The following DLG2 variants were observed in gnomAD, a reference collection of about 807,000 sequenced individuals.
DLG2 encodes the protein disks large homolog 2.
Under a neutral mutation model 132.5 loss-of-function variants are expected in DLG2, and 45 were observed. The ratio of observed to expected loss-of-function variants is 0.34; its 90% CI spans 0.27 to 0.44. The LOEUF (loss-of-function observed/expected upper bound fraction) is 0.44, where lower values mean the gene tolerates loss of function less well. Among genes scored for constraint, DLG2 ranks in the 20% least tolerant of loss-of-function variants. The pLI, the probability that DLG2 is intolerant of heterozygous loss-of-function variation, is 1.00. For synonymous variants in DLG2, 424 were observed against 419.6 expected (o/e 1.01, Z -0.13); for missense variants, 1,045 against 1,196.9 (o/e 0.87, Z 1.87).
intron 6 of DLG2, among the ~76,000 whole-genome samples, chr11:84,755,240 G>A (rs1436912508): frequency 1.3e-5 from 2 of 152,146 alleles, no homozygotes; most frequent in South Asian, 2.1e-4. Flanking sequence ...ACCCAAGTAC[G>A]TTCTGCACAG....
intron 6 of DLG2, among the ~76,000 whole-genome samples, chr11:84,608,792 A>C (rs2099590227): frequency 6.6e-6 from 1 of 152,182 alleles, no homozygotes; most frequent in Non-Finnish European, 1.5e-5. Context: ...AACTACAAAC[A>C]ATTAAACAAA....
chr11:84,736,130 T>G (rs1164981637), intron 6 of DLG2, among the ~76,000 whole-genome samples: 1 of 151,960 alleles, frequency 6.6e-6, no homozygotes, highest in Non-Finnish European at 1.5e-5. Context: ...TTTAATTGTT[T>G]CTGTATTATT....
chr11:85,106,453 AC>A (rs1183660467), intron 6 of DLG2, among the ~76,000 whole-genome samples: 2 of 151,888 alleles, frequency 1.3e-5, no homozygotes, highest in South Asian at 2.1e-4. Flanking sequence ...AACTCCTAGA[AC>A]CTTTTTCCAG....
rs2093143740 is a variant in DLG2, at chr11:83,749,251, G to C, written c.1825+37439C>G. Among the ~76,000 whole-genome samples the C allele has an allele frequency of 1.3e-5, 2 of 152,170 alleles. 1 individual carries two copies. The highest frequency in any genetic ancestry group is 4.1e-4 in the South Asian group (2 of 4,834). ...AGGCAACCTTTTTGCCTTTCTTTTT[G>C]AAGATGTTCATCCTGATAGCGTCTC... On this transcript the variant is annotated intron_variant, in intron 18 of 27. Coordinates refer to ENST00000376104, the MANE Select transcript of DLG2 (RefSeq NM_001142699.3).
At chr11:85,021,330 A>G (rs2060046917) in intron 6 of DLG2, 1 of 1,275,346 alleles carries the variant, frequency 7.8e-7, no homozygotes. Context: ...CTAAGTCGAA[A>G]GAAGAGCCAT....
intron 6 of DLG2, among the ~76,000 whole-genome samples, chr11:85,043,431 A>G (rs986892203): frequency 6.6e-6 from 1 of 151,860 alleles, no homozygotes; most frequent in African/African-American, 2.4e-5. Flanking sequence ...GCTTCACCAA[A>G]CCATTATTAT....
At chr11:83,888,546 A>G (rs1451239994) in intron 15 of DLG2, among the ~76,000 whole-genome samples, 2 of 152,224 alleles carry the variant, frequency 1.3e-5, no homozygotes, top group Non-Finnish European at 2.9e-5. Flanking sequence ...TATAGATTCA[A>G]TGCCATCCCC....
At chr11:84,262,053 C>T (rs1567106187) in intron 7 of DLG2, among the ~76,000 whole-genome samples, 1 of 152,144 alleles carries the variant, frequency 6.6e-6, no homozygotes, top group Non-Finnish European at 1.5e-5. Flanking sequence ...TACACTGGTA[C>T]TTTGTGCTTA....
intron 19 of DLG2, among the ~76,000 whole-genome samples, chr11:83,580,105 T>C (rs901092788): frequency 6.6e-6 from 1 of 152,188 alleles, no homozygotes; most frequent in Non-Finnish European, 1.5e-5. Context: ...TTAATTTTAA[T>C]GGTATCATTC....
intron 6 of DLG2, among the ~76,000 whole-genome samples, chr11:84,694,949 C>T (rs1264150550): frequency 6.6e-6 from 1 of 151,552 alleles, no homozygotes; most frequent in Non-Finnish European, 1.5e-5. Context: ...TAACAGTTAA[C>T]ATGTAAAAAG....
intron 6 of DLG2, among the ~76,000 whole-genome samples, chr11:85,034,481 TAG>T (rs911517907): frequency 1.3e-5 from 2 of 152,030 alleles, no homozygotes; most frequent in African/African-American, 4.8e-5. Flanking sequence ...CAAATAAAAA[TAG>T]AGTCAATGAG....
chr11:84,984,597 GT>G (rs755593431), intron 6 of DLG2, among the ~76,000 whole-genome samples: 113 of 123,744 alleles, frequency 9.1e-4, no homozygotes, highest in Non-Finnish European at 1.5e-3. Flanking sequence ...ACCTTCCAAG[GT>G]ATACAGGCAA....
At chr11:85,599,483 T>C (rs2080003962) in intron 2 of DLG2, among the ~76,000 whole-genome samples, 1 of 151,786 alleles carries the variant, frequency 6.6e-6, no homozygotes, top group African/African-American at 2.4e-5. Context: ...TGAAAAGGGG[T>C]TCTTGTCAGG....
At chr11:84,241,991 C>T (rs914420099) in intron 8 of DLG2, among the ~76,000 whole-genome samples, 2 of 152,196 alleles carry the variant, frequency 1.3e-5, no homozygotes, top group Non-Finnish European at 2.9e-5. Context: ...GCTTGAGAAG[C>T]TACACAAATA....
At chr11:84,094,408 C>T (rs2097138521) in intron 10 of DLG2, among the ~76,000 whole-genome samples, 2 of 152,134 alleles carry the variant, frequency 1.3e-5, no homozygotes, top group Non-Finnish European at 2.9e-5. Flanking sequence ...ATTTACTACT[C>T]TCCTTGGAGC....
chr11:83,627,357 T>A (rs977068110), intron 19 of DLG2, among the ~76,000 whole-genome samples: 20 of 148,116 alleles, frequency 1.4e-4, no homozygotes, highest in African/African-American at 3.9e-4. Flanking sequence ...ATCCCTCCCC[T>A]CTTCCCCCAC....
intron 6 of DLG2, among the ~76,000 whole-genome samples, chr11:84,853,251 C>T (rs141674687): frequency 2.1e-4 from 32 of 152,062 alleles, no homozygotes; most frequent in Admixed American, 5.3e-4. Flanking sequence ...TACAGAAAGA[C>T]ACTATTGCCA....
chr11:84,155,285 C>T (rs1248564162), intron 9 of DLG2, among the ~76,000 whole-genome samples: 1 of 152,180 alleles, frequency 6.6e-6, no homozygotes, highest in Admixed American at 6.5e-5. Context: ...GGAACTGGCC[C>T]TGGAGCTTGT....
intron 6 of DLG2, among the ~76,000 whole-genome samples, chr11:84,692,400 T>C (rs1222876477): frequency 6.6e-6 from 1 of 151,710 alleles, no homozygotes; most frequent in Non-Finnish European, 1.5e-5. Context: ...TCTGAGGAGC[T>C]AGAAATGCAG....
Sources: allele counts gnomAD v4.1 joint callset (sites outside exome capture counted in the v4.1 genomes callset), GRCh38; gene constraint gnomAD v4.1.1; transcripts MANE v1.5; gene names NCBI Gene and HGNC (gene_info 2026-07-23, HGNC 2026-07-21).